SYTL2: variants seen among roughly 807,000 people sequenced by gnomAD.
SYTL2 encodes synaptotagmin like 2, also known as synaptotagmin-like protein 2.
In SYTL2, 165 loss-of-function variants were observed where a neutral mutation model predicts 198.7. The observed-to-expected ratio is 0.83, with a 90% CI of 0.73 to 0.94. SYTL2 has a LOEUF of 0.94. SYTL2 is among the 40% of genes least tolerant of loss of function. The pLI is 0.00. For synonymous variants in SYTL2, 966 were observed against 917.7 expected, an observed-to-expected ratio of 1.05 and a Z score of -0.95; for missense variants, 2,835 against 2,582.8, an observed-to-expected ratio of 1.10 and a Z score of -2.12.
chr11:85,822,520 CT>C, the SYTL2 span, among the ~76,000 whole-genome samples: 7,288 of 152,252 alleles, frequency 0.048, 563 homozygotes, highest in African/African-American at 0.17. Flanking sequence ...CTCAGCCTTG[CT>C]GCCTGCCTGG....
At chr11:85,814,669 C>A (rs776407795), upstream of SYTL2, among the ~76,000 whole-genome samples, 1 of 152,160 alleles carries the variant, frequency 6.6e-6, no homozygotes, top group Non-Finnish European at 1.5e-5. Context: ...GAAATTTAAC[C>A]CCTAACACCA....
intron 1 of SYTL2, among the ~76,000 whole-genome samples, chr11:85,795,204 AC>A (rs1225337251): frequency 6.6e-6 from 1 of 152,122 alleles, no homozygotes; most frequent in Non-Finnish European, 1.5e-5. Context: ...TATTATTACT[AC>A]CACCACCGCT....
intron 1 of SYTL2, among the ~76,000 whole-genome samples, chr11:85,774,493 C>T (rs569043080): frequency 7.9e-5 from 12 of 152,274 alleles, no homozygotes; most frequent in South Asian, 2.1e-4. Context: ...TGCAAAGGAA[C>T]CCCAAGAGGC....
chr11:85,850,249 T>C, the SYTL2 span, among the ~76,000 whole-genome samples: 1 of 151,356 alleles, frequency 6.6e-6, no homozygotes. Flanking sequence ...ACAATTTGAC[T>C]TCCTCTTTTC....
chr11:85,791,888 A>G (rs1379897590), intron 1 of SYTL2, among the ~76,000 whole-genome samples: 1 of 152,098 alleles, frequency 6.6e-6, no homozygotes, highest in African/African-American at 2.4e-5. Flanking sequence ...ATAACTCCCA[A>G]TCTCATTTCC....
the SYTL2 span, among the ~76,000 whole-genome samples, chr11:85,837,650 G>A: frequency 6.6e-6 from 1 of 152,138 alleles, no homozygotes; most frequent in Non-Finnish European, 1.5e-5. Context: ...TTAAGCCCTA[G>A]TGACAGCAGA....
At chr11:85,720,333 T>G (rs899685091) in intron 9 of SYTL2, among the ~76,000 whole-genome samples, 3 of 152,236 alleles carry the variant, frequency 2.0e-5, no homozygotes, top group Non-Finnish European at 4.4e-5. Context: ...ATAAATGTTC[T>G]TGATAATAGC....
intron 1 of SYTL2, among the ~76,000 whole-genome samples, chr11:85,800,280 G>A (rs1407929846): frequency 6.6e-6 from 1 of 152,114 alleles, no homozygotes; most frequent in African/African-American, 2.4e-5. Context: ...AAACCCCAAT[G>A]TAGGATGTCT....
intron 14 of SYTL2, among the ~76,000 whole-genome samples, chr11:85,708,907 C>T (rs1046203368): frequency 8.1e-6 from 1 of 123,000 alleles, no homozygotes; most frequent in Non-Finnish European, 1.6e-5. Context: ...GTGCAGTGGC[C>T]CGATCTCAGC....
intron 7 of SYTL2, among the ~76,000 whole-genome samples, chr11:85,732,126 C>T (rs1430150790): frequency 4.6e-5 from 7 of 152,144 alleles, no homozygotes; most frequent in South Asian, 4.1e-4. Flanking sequence ...GAAATAGGAA[C>T]GCTTTTACAC....
At chr11:85,711,772 A>G (rs529952428) in intron 12 of SYTL2, among the ~76,000 whole-genome samples, 44 of 152,148 alleles carry the variant, frequency 2.9e-4, no homozygotes, top group African/African-American at 1.0e-3. Context: ...TATATTTTTT[A>G]ATGTTTAAAA....
intron 15 of SYTL2, among the ~76,000 whole-genome samples, chr11:85,705,814 T>A (rs1365641031): frequency 1.3e-5 from 2 of 152,204 alleles, no homozygotes; most frequent in Non-Finnish European, 2.9e-5. Context: ...AGTATAGGGT[T>A]GAAGTAGCTG....
intron 12 of SYTL2, among the ~76,000 whole-genome samples, chr11:85,713,982 T>G (rs1050871217): frequency 6.6e-6 from 1 of 152,182 alleles, no homozygotes; most frequent in African/African-American, 2.4e-5. Context: ...ATATGTAAAG[T>G]GCCTGGCACC....
chr11:85,811,682 A>G (rs1013608090), upstream of SYTL2, among the ~76,000 whole-genome samples: 2 of 152,222 alleles, frequency 1.3e-5, no homozygotes, highest in African/African-American at 2.4e-5. Context: ...TTAAAATACA[A>G]TAATACCTAG....
intron 11 of SYTL2, 41 bp downstream of exon 11, chr11:85,717,442 T>C (rs290192): frequency 1.8e-4 from 270 of 1,542,740 alleles, no homozygotes; most frequent in Non-Finnish European, 2.2e-4. Flanking sequence ...ATATGTAAAG[T>C]GGAATGTTTA....
At chr11:85,797,360 G>A (rs1320677990) in intron 1 of SYTL2, among the ~76,000 whole-genome samples, 1 of 152,122 alleles carries the variant, frequency 6.6e-6, no homozygotes, top group Non-Finnish European at 1.5e-5. Flanking sequence ...AGGAGCAGTG[G>A]CTCACACCTG....
chr11:85,791,866 T>A (rs1262459507), intron 1 of SYTL2, among the ~76,000 whole-genome samples: 1 of 152,086 alleles, frequency 6.6e-6, no homozygotes, highest in Non-Finnish European at 1.5e-5. Context: ...ATCTTGTAAC[T>A]GAGAAAGGCC....
chr11:85,726,240 G>C lies in SYTL2; in HGVS notation c.3118C>G (p.Leu1040Val), dbSNP rs763331310. The C allele has an allele frequency of 3.1e-6, 5 of 1,613,316 alleles. No individual in the cohort carries two copies. The South Asian group carries it at 5.5e-5, about 18-fold the overall frequency. Reference sequence around the variant, plus strand: ...CTTGCCATAACTTTTTTTGGGCTTAGAAGCACCTCTGCTTCATGGGTATTT... The same window carrying C: ...CTTGCCATAACTTTTTTTGGGCTTACAAGCACCTCTGCTTCATGGGTATTT... Reference protein sequence around the residue: ...GKNTHEAEVLLSPKKVMAREE... With the variant: ...GKNTHEAEVLVSPKKVMAREE... The change falls in exon 8 of 20, where the codon CTA (leucine) becomes GTA (valine). Residue 1040 changes from leucine to valine, a missense_variant. By Grantham distance (32) the Leu-to-Val change is conservative. Transcript: ENST00000359152.
the SYTL2 span, among the ~76,000 whole-genome samples, chr11:85,827,950 A>G: frequency 2.0e-5 from 3 of 152,200 alleles, no homozygotes; most frequent in East Asian, 3.8e-4. Flanking sequence ...TTACTGGCAA[A>G]TATCTGTTTC....
Sources: allele counts gnomAD v4.1 joint callset (sites outside exome capture counted in the v4.1 genomes callset), GRCh38; gene constraint gnomAD v4.1.1; transcripts MANE v1.5; gene names NCBI Gene and HGNC (gene_info 2026-07-23, HGNC 2026-07-21).